Variants in NCOA2 observed in about 807,000 individuals in gnomAD.
The protein encoded by NCOA2 is nuclear receptor coactivator 2.
A neutral mutation model predicts 145.1 loss-of-function variants in NCOA2; 21 were observed. The observed-to-expected ratio is 0.14, with a 90% CI of 0.10 to 0.21. The LOEUF (loss-of-function observed/expected upper bound fraction) is 0.21, where lower values mean the gene tolerates loss of function less well. Among genes scored for constraint, NCOA2 ranks in the 10% least tolerant of loss-of-function variants. NCOA2 has a pLI of 1.00. For missense variants in NCOA2, 1,472 were observed against 1,837.6 expected (o/e 0.80, Z 3.64); for synonymous variants, 619 against 637.5 (o/e 0.97, Z 0.44).
chr8:70,441,636 G>A, the NCOA2 span, among the ~76,000 whole-genome samples: 3 of 150,050 alleles, frequency 2.0e-5, no homozygotes, highest in Non-Finnish European at 4.4e-5. Context: ...CAGGTCTTCA[G>A]GCCCCTGAGA....
At chr8:70,386,643 A>T (rs149666057) in intron 1 of NCOA2, among the ~76,000 whole-genome samples, 2 of 152,338 alleles carry the variant, frequency 1.3e-5, no homozygotes, top group African/African-American at 4.8e-5. Flanking sequence ...GTAAAGAAAA[A>T]TTTTTAAAAA....
chr8:70,300,903 T>A lies in NCOA2; in HGVS notation c.-76-4103A>T, dbSNP rs573443673. 3.9e-5 allele frequency among the ~76,000 whole-genome samples: 6 copies of A among 152,294 alleles called. No individual in the cohort carries two copies. The East Asian group carries it at 7.7e-4, about 20-fold the overall frequency. ...TGTGTGTTACCTAATTTAACCTTCA[T>A]AACAATCCTATGAGGGTAGGCCCTG... On this transcript the variant is annotated intron_variant, in intron 1 of 22. Transcript: ENST00000452400.
chr8:70,288,023 C>A (rs897782093), intron 2 of NCOA2, among the ~76,000 whole-genome samples: 1 of 152,188 alleles, frequency 6.6e-6, no homozygotes, highest in Non-Finnish European at 1.5e-5. Flanking sequence ...TGGCCTCTAA[C>A]TGGCTAATTA....
At chr8:70,137,719 G>C (rs1809899814) in intron 15 of NCOA2, among the ~76,000 whole-genome samples, 1 of 152,140 alleles carries the variant, frequency 6.6e-6, no homozygotes, top group South Asian at 2.1e-4. Flanking sequence ...CACTGCCCTT[G>C]GCAGCCAGTT....
intron 4 of NCOA2, among the ~76,000 whole-genome samples, chr8:70,201,886 T>C (rs1006990428): frequency 2.0e-5 from 3 of 152,186 alleles, no homozygotes; most frequent in East Asian, 1.9e-4. Flanking sequence ...CATTCTCCTA[T>C]TGACTTCTAA....
At chr8:70,388,178 A>G (rs554188119) in intron 1 of NCOA2, among the ~76,000 whole-genome samples, 2 of 151,640 alleles carry the variant, frequency 1.3e-5, no homozygotes, top group South Asian at 2.1e-4. Context: ...AAAAGGAAGC[A>G]AAGAATTTAA....
chr8:70,393,205 T>G (rs1169240370), intron 1 of NCOA2, among the ~76,000 whole-genome samples: 4 of 152,082 alleles, frequency 2.6e-5, no homozygotes, highest in Non-Finnish European at 4.4e-5. Flanking sequence ...ACTTCTGTCC[T>G]AAGAAGGGGA....
Position 70,401,120 on chromosome 8 carries a change from C to T in NCOA2, c.-77+2580G>A, listed in dbSNP as rs958831120. Among the ~76,000 whole-genome samples, 9 of 152,230 alleles carry T rather than the reference C, an allele frequency of 5.9e-5. No individual in the cohort carries two copies. The East Asian group carries it at 1.7e-3, about 29-fold the overall frequency. ...ACACACATACACACACACACACGCG[C>T]ACACACACATGCTTTGTAGCAGCTG... On this transcript the variant is annotated intron_variant, in intron 1 of 22. Coordinates refer to ENST00000452400, the MANE Select transcript of NCOA2 (RefSeq NM_006540.4).
chr8:70,306,337 G>A (rs548874478), intron 1 of NCOA2, among the ~76,000 whole-genome samples: 2 of 152,098 alleles, frequency 1.3e-5, no homozygotes, highest in East Asian at 3.9e-4. Flanking sequence ...TTAAAACTTG[G>A]GCCTCACTAT....
At chr8:70,314,316 A>G (rs1360800453) in intron 1 of NCOA2, among the ~76,000 whole-genome samples, 1 of 151,898 alleles carries the variant, frequency 6.6e-6, no homozygotes, top group Non-Finnish European at 1.5e-5. Context: ...TCACCAACCT[A>G]TATTATCCTA....
At chr8:70,274,575 T>C (rs559124952) in intron 2 of NCOA2, among the ~76,000 whole-genome samples, 1 of 152,358 alleles carries the variant, frequency 6.6e-6, no homozygotes, top group African/African-American at 2.4e-5. Context: ...ATTTTGGTAA[T>C]ATCCCATCAT....
chr8:70,339,323 C>T (rs902433696), intron 1 of NCOA2, among the ~76,000 whole-genome samples: 1 of 152,016 alleles, frequency 6.6e-6, no homozygotes, highest in African/African-American at 2.4e-5. Context: ...GAATGAACTC[C>T]CATTCGCAAT....
chr8:70,441,110 GA>G, the NCOA2 span, among the ~76,000 whole-genome samples: 189 of 70,428 alleles, frequency 2.7e-3, no homozygotes, highest in African/African-American at 7.7e-3. Context: ...AGAAGAGAGA[GA>G]AAGAAAGAAA....
intron 1 of NCOA2, chr8:70,401,769 G>A (rs1814275143): frequency 6.6e-6 from 1 of 152,168 alleles, no homozygotes; most frequent in Non-Finnish European, 1.5e-5. Context: ...CGAGATAAGA[G>A]GTAAACGGGT....
At chr8:70,252,313 G>A (rs1184641207) in intron 2 of NCOA2, among the ~76,000 whole-genome samples, 19 of 152,158 alleles carry the variant, frequency 1.2e-4, no homozygotes, top group Admixed American at 7.9e-4. Context: ...AGTGGCTAAC[G>A]CCTGTAATCC....
intron 2 of NCOA2, among the ~76,000 whole-genome samples, chr8:70,241,399 T>C (rs1822117437): frequency 6.6e-6 from 1 of 152,180 alleles, no homozygotes; most frequent in African/African-American, 2.4e-5. Flanking sequence ...AGCAGATTTC[T>C]GAATTAGCTG....
At chr8:70,404,827 T>C (rs1814695866), upstream of NCOA2, among the ~76,000 whole-genome samples, 1 of 152,150 alleles carries the variant, frequency 6.6e-6, no homozygotes, top group Non-Finnish European at 1.5e-5. Flanking sequence ...ACCAATCTGT[T>C]TTACGCTTTG....
intron 1 of NCOA2, among the ~76,000 whole-genome samples, chr8:70,306,572 T>C (rs888828654): frequency 2.0e-5 from 3 of 152,140 alleles, no homozygotes; most frequent in Non-Finnish European, 4.4e-5. Flanking sequence ...CAGATGCCAG[T>C]TCCCCTGCTA....
intron 1 of NCOA2, among the ~76,000 whole-genome samples, chr8:70,373,356 A>T (rs1235390666): frequency 6.6e-6 from 1 of 152,118 alleles, no homozygotes; most frequent in Non-Finnish European, 1.5e-5. Flanking sequence ...CTTTTCCTGT[A>T]CTTTCAATTT....
Sources: allele counts gnomAD v4.1 joint callset (sites outside exome capture counted in the v4.1 genomes callset), GRCh38; gene constraint gnomAD v4.1.1; transcripts MANE v1.5; gene names NCBI Gene and HGNC (gene_info 2026-07-23, HGNC 2026-07-21).